The following DNM3 variants were observed in gnomAD, a reference collection of about 807,000 sequenced individuals.
DNM3 encodes dynamin-3.
A neutral mutation model predicts 101.6 loss-of-function variants in DNM3; 47 were observed. The observed-to-expected ratio is 0.46, with a 90% CI of 0.37 to 0.59. DNM3 has a LOEUF of 0.59. DNM3 is among the 20% of genes least tolerant of loss of function. DNM3 has a pLI of 0.00. For missense variants in DNM3, 849 were observed against 1,085.7 expected (o/e 0.78, Z 3.06); for synonymous variants, 385 against 387.9 (o/e 0.99, Z 0.09).
intron 16 of DNM3, among the ~76,000 whole-genome samples, chr1:172,320,488 G>T (rs536956283): frequency 7.9e-5 from 12 of 151,982 alleles, no homozygotes; most frequent in Non-Finnish European, 1.5e-4. Context: ...CAGGGACATG[G>T]ATGAAGCTGG....
At chr1:172,130,717 G>A (rs77915710) in intron 13 of DNM3, among the ~76,000 whole-genome samples, 5,750 of 152,080 alleles carry the variant, frequency 0.038, 130 homozygotes, top group Middle Eastern at 0.075. Context: ...TCTTCTTTTC[G>A]TCATTTGCTG....
intron 17 of DNM3, chr1:172,338,718 T>C (rs2066555158): frequency 7.3e-6 from 3 of 410,938 alleles, no homozygotes; most frequent in Admixed American, 2.8e-5. Context: ...ACTCACTCTT[T>C]TCTGTATATT....
Position 172,091,600 on chromosome 1 carries a change from T to A in DNM3, c.1494-1224T>A, listed in dbSNP as rs2053913310. The stretch of plus-strand genomic sequence containing the variant: ...GAAAAAGAGCAGATGCCAGTGTGGC[T>A]GGAACTCTTCAGGGAACAAGGTGAA... On this transcript the variant is annotated intron_variant, in intron 12 of 20. Transcript: ENST00000627582. Among the ~76,000 whole-genome samples, 7 of 152,142 alleles carry A rather than the reference T, an allele frequency of 4.6e-5. No individual in the cohort carries two copies. The South Asian group carries it at 1.5e-3, about 32-fold the overall frequency.
chr1:171,861,556 G>T (rs78335025), intron 1 of DNM3, among the ~76,000 whole-genome samples: 2,034 of 152,100 alleles, frequency 0.013, 32 homozygotes, highest in Middle Eastern at 0.024. Context: ...ATACATTGGG[G>T]CCCCTACCTC....
chr1:172,049,859 G>A (rs2050082952), intron 10 of DNM3, among the ~76,000 whole-genome samples: 1 of 152,124 alleles, frequency 6.6e-6, no homozygotes, highest in African/African-American at 2.4e-5. Context: ...AAAGGCTCAG[G>A]TAAAGAACAG....
intron 6 of DNM3, among the ~76,000 whole-genome samples, chr1:172,036,080 G>C (rs2048937066): frequency 6.7e-6 from 1 of 148,166 alleles, no homozygotes; most frequent in Non-Finnish European, 1.5e-5. Flanking sequence ...ATGTATACAT[G>C]TGCCATGCTG....
At chr1:171,841,855 G>A in intron 1 of DNM3, 38 bp downstream of exon 1, 1 of 1,582,320 alleles carries the variant, frequency 6.3e-7, no homozygotes, top group Non-Finnish European at 8.6e-7. Flanking sequence ...TGCGGCAGTG[G>A]GGCGACCCCG....
At chr1:172,139,112 A>G in intron 14 of DNM3, 1 of 317,580 alleles carries the variant, frequency 3.1e-6, no homozygotes, top group Non-Finnish European at 6.2e-6. Context: ...GCTAACATGG[A>G]TAATTTGCGT....
intron 1 of DNM3, among the ~76,000 whole-genome samples, chr1:171,900,925 G>C (rs2038258570): frequency 2.0e-5 from 3 of 148,610 alleles, no homozygotes; most frequent in African/African-American, 5.0e-5. Context: ...TGGCCAACAC[G>C]GTGAAACCCA....
intron 4 of DNM3, among the ~76,000 whole-genome samples, chr1:172,008,184 A>G (rs1054898209): frequency 3.3e-5 from 5 of 151,570 alleles, no homozygotes; most frequent in South Asian, 4.2e-4. Flanking sequence ...TTCCTCCGGT[A>G]TGCAGAAGTT....
rs72713703 is a variant in DNM3, at chr1:171,843,218, A to T, written c.161+1401A>T. 2.9e-3 allele frequency among the ~76,000 whole-genome samples: 435 copies of T among 152,298 alleles called. 1 individual carries two copies. Among genetic ancestry groups the T allele is most frequent in the Non-Finnish European group, 5.3e-3 (361 of 68,016 alleles). On this transcript the variant is annotated intron_variant, in intron 1 of 20. Transcript: ENST00000627582. ...GAAAGATAAGAAGCCTAACAAAGTA[A>T]AATTGCTGACAATTGGCTTGTATCC...
chr1:172,397,527 C>T (rs551555673), intron 20 of DNM3, among the ~76,000 whole-genome samples: 1 of 152,200 alleles, frequency 6.6e-6, no homozygotes, highest in South Asian at 2.1e-4. Flanking sequence ...CAGTTCAGTT[C>T]GGGAATCTTT....
chr1:172,312,423 C>T (rs757606231), intron 16 of DNM3, among the ~76,000 whole-genome samples: 88 of 152,156 alleles, frequency 5.8e-4, no homozygotes, highest in Non-Finnish European at 1.0e-3. Context: ...ATTAGATAAA[C>T]AGCCATAGCC....
At chr1:172,257,144 A>G (rs1216006320) in intron 15 of DNM3, among the ~76,000 whole-genome samples, 7 of 152,102 alleles carry the variant, frequency 4.6e-5, no homozygotes, top group Non-Finnish European at 7.4e-5. Context: ...TGCAATGTCT[A>G]TAGTCATTAT....
chr1:172,287,805 GCACACACA>G (rs3078985), intron 15 of DNM3, among the ~76,000 whole-genome samples: 4 of 144,132 alleles, frequency 2.8e-5, no homozygotes, highest in South Asian at 2.2e-4. Context: ...ATATACACAT[GCACACACA>G]CACACACACA....
At chr1:171,954,199 C>T (rs1376780936) in intron 2 of DNM3, among the ~76,000 whole-genome samples, 1 of 152,134 alleles carries the variant, frequency 6.6e-6, no homozygotes, top group African/African-American at 2.4e-5. Flanking sequence ...TTGCCTGGAT[C>T]CTCTATTAGC....
chr1:172,258,885 T>C (rs971066630), intron 15 of DNM3, among the ~76,000 whole-genome samples: 1 of 152,088 alleles, frequency 6.6e-6, no homozygotes, highest in African/African-American at 2.4e-5. Flanking sequence ...TAGGCAATTA[T>C]TGCTATAAAC....
At chr1:171,927,907 T>TAATA (rs2040708023) in intron 2 of DNM3, among the ~76,000 whole-genome samples, 1 of 152,218 alleles carries the variant, frequency 6.6e-6, no homozygotes, top group African/African-American at 2.4e-5. Context: ...AGAGGACATA[T>TAATA]AATACTCTGG....
intron 2 of DNM3, among the ~76,000 whole-genome samples, chr1:171,973,184 A>T: frequency 6.6e-6 from 1 of 152,212 alleles, no homozygotes; most frequent in East Asian, 1.9e-4. Context: ...AGATGTTAAA[A>T]GCTAAGAATT....
Sources: allele counts gnomAD v4.1 joint callset (sites outside exome capture counted in the v4.1 genomes callset), GRCh38; gene constraint gnomAD v4.1.1; transcripts MANE v1.5; gene names NCBI Gene and HGNC (gene_info 2026-07-23, HGNC 2026-07-21).